Variants in SRP68 observed in about 807,000 individuals in gnomAD.
The protein encoded by SRP68 is signal recognition particle subunit SRP68.
SRP68 carries 15 observed loss-of-function variants against 82.2 expected under a neutral mutation model. The observed-to-expected ratio is 0.18, with a 90% CI of 0.12 to 0.28. SRP68 has a LOEUF of 0.28. Ranked by LOEUF, SRP68 falls within the 10% of genes least tolerant of loss-of-function variation. SRP68 has a pLI of 1.00. For missense variants in SRP68, 595 were observed against 780.5 expected (o/e 0.76, Z 2.83); for synonymous variants, 261 against 292.6 (o/e 0.89, Z 1.10).
intron 8 of SRP68, among the ~76,000 whole-genome samples, chr17:76,053,099 A>C (rs1265276638): frequency 2.0e-5 from 3 of 151,714 alleles, no homozygotes; most frequent in Non-Finnish European, 4.4e-5. Context: ...CCATGTCTAC[A>C]AAAAATGCAA....
rs199897908 is a variant in SRP68, at chr17:76,070,457, T to C, written c.185-13A>G. On this transcript the variant is annotated splice_polypyrimidine_tract_variant and intron_variant, in intron 1 of 15. Coordinates refer to ENST00000307877, the MANE Select transcript of SRP68 (RefSeq NM_014230.4). ...ATAATCTGAAGAACTAGAGTCGAGA[T>C]TAAGGAAAATCTTACCATAGCAAGA... 5.0e-6 allele frequency: 8 copies of C among 1,611,984 alleles called. No individual in the cohort carries two copies.
chr17:76,061,403 T>C, intron 5 of SRP68, 89 bp downstream of exon 5: 1 of 1,230,724 alleles, frequency 8.1e-7, no homozygotes, highest in African/African-American at 1.5e-5. Flanking sequence ...ACCCTCACTT[T>C]CACAGAAACA....
chr17:76,061,379 A>G, intron 5 of SRP68, 113 bp downstream of exon 5: 2 of 1,030,606 alleles, frequency 1.9e-6, no homozygotes, highest in Non-Finnish European at 2.9e-6. Flanking sequence ...ACATTTCTAT[A>G]GGAAAGAAAA....
Position 76,067,929 on chromosome 17 carries a change from G to A in SRP68, c.252-599C>T, listed in dbSNP as rs1221113739. 2.6e-5 allele frequency among the ~76,000 whole-genome samples: 4 copies of A among 152,304 alleles called. No homozygotes were observed. The East Asian group carries it at 7.7e-4, about 29-fold the overall frequency. Reference sequence around the variant, plus strand: ...ACCAAGAAAACAAGGCAAATGTCAAGTTGAAAGGACATGGGTAATCATTCT... The same window carrying A: ...ACCAAGAAAACAAGGCAAATGTCAAATTGAAAGGACATGGGTAATCATTCT... On this transcript the variant is annotated intron_variant, in intron 2 of 15. Transcript: ENST00000307877.
intron 3 of SRP68, among the ~76,000 whole-genome samples, chr17:76,064,531 T>C (rs2066792281): frequency 1.3e-5 from 2 of 152,028 alleles, no homozygotes; most frequent in African/African-American, 2.4e-5. Context: ...TCAATCCAGT[T>C]AGAAAAGTCC....
chr17:76,063,997 G>C lies in SRP68; in HGVS notation c.540C>G (p.Ala180=). 1 of 1,613,930 alleles carries C rather than the reference G, an allele frequency of 6.2e-7. No individual in the cohort carries two copies. The highest frequency in any genetic ancestry group is 8.5e-7 in the Non-Finnish European group (1 of 1,179,852). Residue 180 remains alanine (A), a synonymous_variant, in exon 4 of 16, where the codon GCC becomes GCG. Transcript: ENST00000307877. ...TAACCTGAGCCTCTAATTTGGTCTTGGCATCCACGCGATTGCTCTCACACA... is the reference window on the plus strand; with the variant it reads ...TAACCTGAGCCTCTAATTTGGTCTTCGCATCCACGCGATTGCTCTCACACA... ...ERLCESNRVD[A]KTKLEAQAYT...
intron 8 of SRP68, 112 bp downstream of exon 8, chr17:76,057,291 A>C (rs563370271): frequency 7.6e-7 from 1 of 1,317,008 alleles, no homozygotes; most frequent in Non-Finnish European, 1.1e-6. Flanking sequence ...CCAAAACAGC[A>C]TTAAAAGTTT....
Position 76,072,280 on chromosome 17 carries a change from C to A in SRP68, c.184+28G>T, listed in dbSNP as rs768237384. ...CCTCCAGTTCGACACGTAATCATTG[C>A]GAGTTAGGCCCGATTACTCTAGGAT... On this transcript the variant is annotated intron_variant, in intron 1 of 15. Coordinates refer to ENST00000307877, the MANE Select transcript of SRP68 (RefSeq NM_014230.4). The surrounding 1 kb of genome is among the most constrained non-coding windows in gnomAD (Gnocchi z 4.5). 7.5e-6 allele frequency: 12 copies of A among 1,604,870 alleles called. No homozygotes were observed. In the Admixed American group the frequency reaches 1.2e-4, roughly 16 times the overall value.
At chr17:76,052,247 G>A (rs781376669) in intron 8 of SRP68, among the ~76,000 whole-genome samples, 31 of 152,282 alleles carry the variant, frequency 2.0e-4, no homozygotes, top group Non-Finnish European at 4.1e-4. Flanking sequence ...GGACAGTGCA[G>A]CACTGGAGCA....
intron 8 of SRP68, among the ~76,000 whole-genome samples, chr17:76,054,460 A>G (rs1255650702): frequency 2.0e-5 from 3 of 152,150 alleles, no homozygotes; most frequent in Non-Finnish European, 2.9e-5. Flanking sequence ...GAGAATATAC[A>G]TGAATATATA....
At chr17:76,059,191 G>A (rs942530136) in intron 7 of SRP68, among the ~76,000 whole-genome samples, 8 of 152,200 alleles carry the variant, frequency 5.3e-5, no homozygotes, top group African/African-American at 1.9e-4. Flanking sequence ...CAAGGCAGCA[G>A]TGAGTCAAAA....
chr17:76,067,403 CA>C, intron 2 of SRP68, 73 bp from the exon 3 acceptor site: 1 of 1,024,962 alleles, frequency 9.8e-7, no homozygotes, highest in Admixed American at 1.9e-5. Context: ...TGCAATAAGG[CA>C]AGGTCAAGGG....
Position 76,072,148 on chromosome 17 carries a change from A to AC in SRP68, c.184+159dup, listed in dbSNP as rs3837793. On this transcript the variant is annotated intron_variant, in intron 1 of 15. Transcript: ENST00000307877. The surrounding 1 kb of genome is among the most constrained non-coding windows in gnomAD (Gnocchi z 4.5). ...CGAGGAAAGACTAGTCGAGAGACAG[A>AC]CCCCCCCCGGAATTCTGAGCACCAA... 429,039 of 1,258,476 alleles carry AC rather than the reference A, an allele frequency of 0.34. 60,113 individuals carry two copies. The highest frequency in any genetic ancestry group is 0.49 in the Admixed American group (19,536 of 39,722). 78.0% of individuals were successfully genotyped at this position (1,258,476 alleles called of 1,614,324 possible).
Position 76,072,135 on chromosome 17 carries a change from A to T in SRP68, c.184+173T>A. On this transcript the variant is annotated intron_variant, in intron 1 of 15. Coordinates refer to ENST00000307877, the MANE Select transcript of SRP68 (RefSeq NM_014230.4). The surrounding 1 kb of genome is among the most constrained non-coding windows in gnomAD (Gnocchi z 4.5). ...GGCGAGGGGGACACGAGGAAAGACT[A>T]GTCGAGAGACAGACCCCCCCCGGAA... 1 of 1,224,682 alleles carries T rather than the reference A, an allele frequency of 8.2e-7. No homozygotes were observed. 75.9% of individuals were successfully genotyped at this position (1,224,682 alleles called of 1,614,324 possible).
chr17:76,061,678 G>A, intron 4 of SRP68, 104 bp from the exon 5 acceptor site: 1 of 948,130 alleles, frequency 1.1e-6, no homozygotes, highest in East Asian at 2.7e-5. Flanking sequence ...ATATGGATAT[G>A]GGCCAGGTGC....
chr17:76,067,270 G>C lies in SRP68; in HGVS notation c.312C>G (p.Asn104Lys). The change falls in exon 3 of 16, where the codon AAC (asparagine) becomes AAG (lysine). Residue 104 changes from asparagine (N) to lysine (K), a missense_variant. By Grantham distance (94) the Asn-to-Lys change is moderately conservative. Coordinates refer to ENST00000307877, the MANE Select transcript of SRP68 (RefSeq NM_014230.4). ...LRKTLNFKMG[N>K]RHKFTGKKVT... The stretch of plus-strand genomic sequence containing the variant: ...CTTTCTTCCCTGTGAATTTGTGTCT[G>C]TTACCCATCTTGAAGTTGAGTGTTT... 2 of 1,613,780 alleles carry C rather than the reference G, an allele frequency of 1.2e-6. No individual in the cohort carries two copies. The highest frequency in any genetic ancestry group is 1.7e-6 in the Non-Finnish European group (2 of 1,179,872).
intron 2 of SRP68, 119 bp downstream of exon 2, chr17:76,070,259 A>G: frequency 1.2e-6 from 1 of 815,966 alleles, no homozygotes; most frequent in Non-Finnish European, 1.9e-6. Context: ...CAAACAAACA[A>G]AAAAAACAAT....
intron 13 of SRP68, 47 bp from the exon 14 acceptor site, chr17:76,041,025 A>C (rs1195768764): frequency 1.3e-6 from 2 of 1,541,812 alleles, no homozygotes; most frequent in East Asian, 4.5e-5. Context: ...GCCAGGTCAG[A>C]GAAGCACACC....
At chr17:76,040,665 C>A in intron 14 of SRP68, 191 bp from the exon 15 acceptor site, 1 of 672,456 alleles carries the variant, frequency 1.5e-6, no homozygotes, top group South Asian at 1.8e-5. Flanking sequence ...TGCCGTCGGC[C>A]CAGTGAAGCC....
Sources: gnomAD v4.1 joint callset for allele counts (sites outside exome capture counted in the v4.1 genomes callset) on GRCh38, gnomAD v4.1.1 for gene constraint, Gnocchi (gnomAD v3.1) non-coding constraint, MANE v1.5 for transcripts, NCBI Gene and HGNC (gene_info 2026-07-23, HGNC 2026-07-21) for gene names.